Variants in PCDH15 observed in about 807,000 individuals in gnomAD.
PCDH15 encodes the protein protocadherin related 15, also known as protocadherin-15.
In PCDH15, 129 loss-of-function variants were observed where a neutral mutation model predicts 178.5. The observed-to-expected ratio is 0.72, with a 90% CI of 0.63 to 0.84. The LOEUF (loss-of-function observed/expected upper bound fraction) is 0.84, where lower values mean the gene tolerates loss of function less well. Among genes scored for constraint, PCDH15 ranks in the 40% least tolerant of loss-of-function variants. PCDH15 has a pLI of 0.00. For missense variants in PCDH15, 2,230 were observed against 2,099.9 expected, an observed-to-expected ratio of 1.06 and a Z score of -1.21; for synonymous variants, 800 against 732.0, an observed-to-expected ratio of 1.09 and a Z score of -1.50.
intron 2 of PCDH15, among the ~76,000 whole-genome samples, chr10:54,568,120 C>G (rs968558910): frequency 6.6e-6 from 1 of 152,050 alleles, no homozygotes; most frequent in Non-Finnish European, 1.5e-5. Context: ...CAAAACGTAG[C>G]TCTTTTTTTT....
chr10:54,223,017 A>G (rs1004104240), intron 9 of PCDH15, among the ~76,000 whole-genome samples: 2 of 152,140 alleles, frequency 1.3e-5, no homozygotes, highest in Non-Finnish European at 2.9e-5. Flanking sequence ...GTTACATTTA[A>G]GAAATTGTTG....
intron 2 of PCDH15, among the ~76,000 whole-genome samples, chr10:54,570,306 A>G (rs1733352946): frequency 1.3e-5 from 2 of 152,192 alleles, no homozygotes; most frequent in South Asian, 4.1e-4. Flanking sequence ...AAACCTGGAA[A>G]GTAGAGTATT....
intron 23 of PCDH15, among the ~76,000 whole-genome samples, chr10:53,947,434 A>G (rs1482213185): frequency 6.6e-6 from 1 of 152,178 alleles, no homozygotes; most frequent in Non-Finnish European, 1.5e-5. Context: ...CTTTGTACTA[A>G]GAGACAAATC....
chr10:54,728,769 C>G (rs1018956167), intron 1 of PCDH15, among the ~76,000 whole-genome samples: 3 of 151,552 alleles, frequency 2.0e-5, no homozygotes, highest in African/African-American at 7.3e-5. Context: ...TGTAGCATTT[C>G]TATACATCAA....
chr10:53,841,947 G>GAAAAAA (rs539058922), intron 28 of PCDH15, among the ~76,000 whole-genome samples: 4 of 100,874 alleles, frequency 4.0e-5, no homozygotes, highest in Admixed American at 1.1e-4. Context: ...TCTCCAAAGG[G>GAAAAAA]AAAAAAAAAA....
intron 3 of PCDH15, among the ~76,000 whole-genome samples, chr10:54,519,755 G>T (rs895014151): frequency 1.4e-4 from 21 of 152,094 alleles, no homozygotes; most frequent in African/African-American, 4.8e-4. Flanking sequence ...GCATCACCAA[G>T]TCAATCCTAA....
upstream of PCDH15, among the ~76,000 whole-genome samples, chr10:54,801,571 A>G (rs1336799477): frequency 6.6e-6 from 1 of 152,172 alleles, no homozygotes; most frequent in Non-Finnish European, 1.5e-5. Context: ...CTTACATTCA[A>G]TAACAATGTC....
intron 8 of PCDH15, among the ~76,000 whole-genome samples, chr10:54,275,695 T>C (rs2058315324): frequency 6.6e-6 from 1 of 151,608 alleles, no homozygotes; most frequent in African/African-American, 2.4e-5. Context: ...CAATACTAAT[T>C]TGAAGAGGAT....
At chr10:54,513,617 G>C (rs1401584044) in intron 3 of PCDH15, among the ~76,000 whole-genome samples, 1 of 152,054 alleles carries the variant, frequency 6.6e-6, no homozygotes, top group Non-Finnish European at 1.5e-5. Flanking sequence ...ATCACACTAT[G>C]TATTTTTATA....
chr10:54,376,168 T>C (rs1314723647), intron 4 of PCDH15, among the ~76,000 whole-genome samples: 1 of 151,774 alleles, frequency 6.6e-6, no homozygotes, highest in Non-Finnish European at 1.5e-5. Flanking sequence ...GTGCTGGGAT[T>C]ACAGGCATGA....
At chr10:54,521,978 C>T (rs1053769458) in intron 3 of PCDH15, among the ~76,000 whole-genome samples, 3 of 149,562 alleles carry the variant, frequency 2.0e-5, no homozygotes, top group African/African-American at 7.4e-5. Flanking sequence ...GTCCTAGCTA[C>T]TCGGGAGGCT....
At chr10:55,334,308 A>ATT (rs1196675486) in intron 2 of PCDH15, among the ~76,000 whole-genome samples, 23 of 122,116 alleles carry the variant, frequency 1.9e-4, no homozygotes, top group African/African-American at 7.2e-4. Context: ...CTATATATAT[A>ATT]TATATATTTT....
chr10:54,292,263 A>G (rs1312402209), intron 8 of PCDH15, among the ~76,000 whole-genome samples: 1 of 152,216 alleles, frequency 6.6e-6, no homozygotes, highest in Non-Finnish European at 1.5e-5. Context: ...CTTCAACAAA[A>G]TTCAATGGCC....
intron 8 of PCDH15, among the ~76,000 whole-genome samples, chr10:54,286,894 T>A (rs2059063050): frequency 6.6e-6 from 1 of 152,212 alleles, no homozygotes; most frequent in Non-Finnish European, 1.5e-5. Flanking sequence ...AGTGCTGGGA[T>A]TATAGGCGTG....
chr10:55,053,210 G>A (rs1841209895), intron 2 of PCDH15, among the ~76,000 whole-genome samples: 1 of 152,078 alleles, frequency 6.6e-6, no homozygotes, highest in South Asian at 2.1e-4. Context: ...TTGACTGTCA[G>A]CCTAATTGGA....
At chr10:54,110,661 A>G (rs2095002879) in intron 15 of PCDH15, among the ~76,000 whole-genome samples, 1 of 152,180 alleles carries the variant, frequency 6.6e-6, no homozygotes. Flanking sequence ...CTATTGCTAG[A>G]TAATTGTGTC....
intron 2 of PCDH15, among the ~76,000 whole-genome samples, chr10:54,944,639 A>G (rs1370660613): frequency 6.6e-6 from 1 of 151,956 alleles, no homozygotes; most frequent in Non-Finnish European, 1.5e-5. Flanking sequence ...TCAGCAGAAG[A>G]CAGAAGAAGC....
intron 2 of PCDH15, among the ~76,000 whole-genome samples, chr10:55,074,182 C>T (rs2799614): frequency 0.56 from 85,265 of 151,970 alleles, 24,352 homozygotes; most frequent in East Asian, 0.75. Flanking sequence ...TACACGTGCA[C>T]GTATCTTTGT....
intron 1 of PCDH15, among the ~76,000 whole-genome samples, chr10:54,692,022 G>A (rs1252816359): frequency 1.3e-5 from 2 of 152,056 alleles, no homozygotes; most frequent in East Asian, 3.9e-4. Context: ...TTATATTCCA[G>A]AGCTGATAAT....
Sources: allele counts gnomAD v4.1 joint callset (sites outside exome capture counted in the v4.1 genomes callset), GRCh38; gene constraint gnomAD v4.1.1; transcripts MANE v1.5; gene names NCBI Gene and HGNC (gene_info 2026-07-23, HGNC 2026-07-21).